Variants in NXPH1 observed in about 807,000 individuals in gnomAD.
NXPH1 encodes the protein neurexophilin 1, also known as neurexophilin-1.
NXPH1 carries 5 observed loss-of-function variants against 23.7 expected under a neutral mutation model. The observed-to-expected ratio is 0.21, with a 90% CI of 0.11 to 0.44. The LOEUF (loss-of-function observed/expected upper bound fraction) is 0.44. NXPH1 is among the 20% of genes least tolerant of loss of function. NXPH1 has a pLI of 0.99. For missense variants in NXPH1, 324 were observed against 321.6 expected (o/e 1.01, Z -0.06); for synonymous variants, 144 against 122.2 (o/e 1.18, Z -1.18).
At chr7:8,506,891 G>A (rs1025665918) in intron 2 of NXPH1, among the ~76,000 whole-genome samples, 2 of 152,074 alleles carry the variant, frequency 1.3e-5, no homozygotes, top group Non-Finnish European at 2.9e-5. Flanking sequence ...GACCCTGCAT[G>A]CCCTGCAGCT....
At chr7:8,595,349 T>C (rs535342338) in intron 2 of NXPH1, among the ~76,000 whole-genome samples, 38 of 152,108 alleles carry the variant, frequency 2.5e-4, no homozygotes, top group African/African-American at 3.6e-4. Context: ...TAAAATATCA[T>C]TGGATGTAGA....
chr7:8,694,392 G>GA (rs2115185467), intron 2 of NXPH1, among the ~76,000 whole-genome samples: 2 of 152,302 alleles, frequency 1.3e-5, no homozygotes, highest in South Asian at 4.1e-4. Flanking sequence ...ATAGCTCAGT[G>GA]CTTTTGGGGG....
intron 2 of NXPH1, among the ~76,000 whole-genome samples, chr7:8,559,865 A>G (rs1217998179): frequency 2.0e-5 from 3 of 151,726 alleles, no homozygotes; most frequent in Admixed American, 6.6e-5. Context: ...CCAGTAGTCA[A>G]CTTGCCTGCC....
At chr7:8,477,985 A>T (rs1817006130) in intron 2 of NXPH1, among the ~76,000 whole-genome samples, 1 of 152,042 alleles carries the variant, frequency 6.6e-6, no homozygotes, top group Admixed American at 6.6e-5. Context: ...ATCATTAATA[A>T]TCTTGTTAAT....
intron 2 of NXPH1, among the ~76,000 whole-genome samples, chr7:8,522,877 C>T (rs1817795789): frequency 6.6e-6 from 1 of 152,124 alleles, no homozygotes; most frequent in South Asian, 2.1e-4. Context: ...TACTTTGTAC[C>T]CATGGGGCTT....
intron 2 of NXPH1, among the ~76,000 whole-genome samples, chr7:8,518,278 T>C (rs1393456413): frequency 3.2e-4 from 49 of 152,140 alleles, no homozygotes; most frequent in Admixed American, 3.2e-3. Flanking sequence ...ATCAGGGGCC[T>C]GGGTATGTAA....
chr7:8,521,525 G>A (rs1343434532), intron 2 of NXPH1, among the ~76,000 whole-genome samples: 2 of 152,112 alleles, frequency 1.3e-5, no homozygotes, highest in Non-Finnish European at 2.9e-5. Flanking sequence ...TGGTATCCTT[G>A]AAGGCCAGGT....
At chr7:8,631,644 G>A (rs533996612) in intron 2 of NXPH1, among the ~76,000 whole-genome samples, 1 of 152,104 alleles carries the variant, frequency 6.6e-6, no homozygotes, top group African/African-American at 2.4e-5. Context: ...TTTATTCTTA[G>A]TATGTCCACG....
At chr7:8,444,947 A>T (rs1816374080) in intron 2 of NXPH1, among the ~76,000 whole-genome samples, 1 of 152,172 alleles carries the variant, frequency 6.6e-6, no homozygotes, top group African/African-American at 2.4e-5. Context: ...TATTGTGATT[A>T]CCTGAGTGTC....
intron 2 of NXPH1, among the ~76,000 whole-genome samples, chr7:8,725,715 A>T (rs751696225): frequency 1.3e-5 from 2 of 152,140 alleles, no homozygotes; most frequent in Non-Finnish European, 2.9e-5. Flanking sequence ...GCCACACTAG[A>T]ACATTGGATT....
At chr7:8,684,513 AAG>A (rs1821115582) in intron 2 of NXPH1, among the ~76,000 whole-genome samples, 2 of 152,182 alleles carry the variant, frequency 1.3e-5, no homozygotes, top group Admixed American at 6.6e-5. Context: ...CTTGAAATAA[AAG>A]AGAAAATGCA....
At chr7:8,544,284 T>C (rs1259860286) in intron 2 of NXPH1, among the ~76,000 whole-genome samples, 2 of 151,620 alleles carry the variant, frequency 1.3e-5, no homozygotes, top group Non-Finnish European at 3.0e-5. Flanking sequence ...TTCTTGTACA[T>C]TGTAGAAATT....
At chr7:8,514,813 C>T (rs1181156528) in intron 2 of NXPH1, among the ~76,000 whole-genome samples, 1 of 152,156 alleles carries the variant, frequency 6.6e-6, no homozygotes, top group South Asian at 2.1e-4. Flanking sequence ...CCCCTCCACT[C>T]ACCTCCCCTT....
chr7:8,533,081 G>A (rs1335011233), intron 2 of NXPH1, among the ~76,000 whole-genome samples: 1 of 152,078 alleles, frequency 6.6e-6, no homozygotes, highest in Non-Finnish European at 1.5e-5. Flanking sequence ...TTATAGTTGA[G>A]AAAACAGGCA....
intron 2 of NXPH1, among the ~76,000 whole-genome samples, chr7:8,595,581 C>A (rs1819204595): frequency 6.6e-6 from 1 of 151,972 alleles, no homozygotes; most frequent in African/African-American, 2.4e-5. Flanking sequence ...ATCTGCTAGG[C>A]ATTTGTTTGA....
chr7:8,580,374 A>G (rs1818842190), intron 2 of NXPH1, among the ~76,000 whole-genome samples: 1 of 152,136 alleles, frequency 6.6e-6, no homozygotes, highest in African/African-American at 2.4e-5. Context: ...TGTTACTAAC[A>G]TCCACTTACT....
intron 2 of NXPH1, among the ~76,000 whole-genome samples, chr7:8,495,129 G>C (rs1817313338): frequency 6.6e-6 from 1 of 151,914 alleles, no homozygotes; most frequent in African/African-American, 2.4e-5. Context: ...ATTTATTTTA[G>C]GAACTGGCTC....
At chr7:8,637,222 ACT>A (rs1161934442) in intron 2 of NXPH1, among the ~76,000 whole-genome samples, 1 of 143,874 alleles carries the variant, frequency 7.0e-6, no homozygotes, top group African/African-American at 2.6e-5. Flanking sequence ...GCTGGGACTG[ACT>A]CTTTTTTTTT....
intron 2 of NXPH1, among the ~76,000 whole-genome samples, chr7:8,710,685 T>G (rs921176851): frequency 9.0e-6 from 1 of 110,678 alleles, no homozygotes; most frequent in Non-Finnish European, 1.7e-5. Flanking sequence ...AGACGGAGTC[T>G]CGCTCTGTCG....
Sources: allele counts gnomAD v4.1 joint callset (sites outside exome capture counted in the v4.1 genomes callset), GRCh38; gene constraint gnomAD v4.1.1; transcripts MANE v1.5; gene names NCBI Gene and HGNC (gene_info 2026-07-23, HGNC 2026-07-21).